The following RP1 variants were observed in gnomAD, a reference collection of about 807,000 sequenced individuals.
RP1 encodes the protein oxygen-regulated protein 1.
Under a neutral mutation model 14.8 loss-of-function variants are expected in RP1, and 16 were observed. That is an observed-to-expected ratio of 1.08 (90% confidence interval 0.73 to 1.65). The LOEUF is 1.65. Among genes scored for constraint, RP1 ranks in the 40% most tolerant of loss-of-function variants. The pLI, the probability that RP1 is intolerant of heterozygous loss-of-function variation, is 0.00. For synonymous variants in RP1, 876 were observed against 883.6 expected, an observed-to-expected ratio of 0.99 and a Z score of 0.15; for missense variants, 2,631 against 2,535.0, an observed-to-expected ratio of 1.04 and a Z score of -0.81.
chr8:54,725,187 T>C (rs944512076), intron 16 of RP1, among the ~76,000 whole-genome samples: 1 of 152,212 alleles, frequency 6.6e-6, no homozygotes, highest in African/African-American at 2.4e-5. Context: ...CTATATTACA[T>C]TGGTAAATGA....
intron 1 of RP1, among the ~76,000 whole-genome samples, chr8:54,581,200 C>T (rs1355986740): frequency 2.6e-5 from 4 of 151,800 alleles, no homozygotes; most frequent in Admixed American, 6.6e-5. Flanking sequence ...GTTCCCCTTC[C>T]TGTGTCCATG....
chr8:54,866,800 AG>A (rs1812468861), intron 28 of RP1, among the ~76,000 whole-genome samples: 1 of 152,194 alleles, frequency 6.6e-6, no homozygotes, highest in Admixed American at 6.5e-5. Flanking sequence ...GCAATGAGAG[AG>A]GCTTATATAT....
At chr8:54,788,998 T>A (rs1446879910) in intron 24 of RP1, among the ~76,000 whole-genome samples, 2 of 152,314 alleles carry the variant, frequency 1.3e-5, no homozygotes, top group South Asian at 2.1e-4. Context: ...CATACCCAGC[T>A]AGTCCTAGAT....
chr8:54,762,060 C>T (rs569263376), intron 22 of RP1, among the ~76,000 whole-genome samples: 12 of 152,262 alleles, frequency 7.9e-5, no homozygotes, highest in East Asian at 3.9e-4. Context: ...CATGGGTGCA[C>T]GCAGGAGCTG....
At chr8:54,749,885 G>C (rs980298870) in intron 19 of RP1, among the ~76,000 whole-genome samples, 4 of 151,540 alleles carry the variant, frequency 2.6e-5, no homozygotes, top group African/African-American at 9.7e-5. Context: ...TGAAGTTAGA[G>C]GTTTTGCCTT....
chr8:54,852,661 G>T (rs1178224322), exon 26 of RP1: 9 of 1,231,882 alleles, frequency 7.3e-6, no homozygotes, highest in Non-Finnish European at 9.1e-6. Flanking sequence ...ATCGGTACCA[G>T]AGGTGATTCA....
At chr8:54,677,179 G>C (rs1807311236) in intron 8 of RP1, among the ~76,000 whole-genome samples, 1 of 151,688 alleles carries the variant, frequency 6.6e-6, no homozygotes, top group Admixed American at 6.6e-5. Flanking sequence ...CCTGCATCCT[G>C]GGAAAACCCT....
In RP1 at chr8:54,626,815, T is replaced by A. The variant is rs759501646; in HGVS notation, c.2933T>A (p.Ile978Asn). Residue 978 changes from isoleucine (I) to asparagine (N), a missense_variant, in exon 4 of 4, where the codon ATT becomes AAT. Transcript: ENST00000220676. The stretch of plus-strand genomic sequence containing the variant: ...GAAAGTAATAAGCACATAACTAAAA[T>A]TGCCGGTTTGACAGGAGATAATCTA... ...VMESNKHITK[I>N]AGLTGDNLCK... 3.7e-6 allele frequency: 6 copies of A among 1,613,712 alleles called. No individual in the cohort carries two copies. In the East Asian group the frequency reaches 1.3e-4, roughly 36 times the overall value.
rs753228437 is a variant in RP1 at position 54,627,075 on chromosome 8, G to T, written c.3193G>T (p.Val1065Leu). 2.5e-6 allele frequency: 4 copies of T among 1,613,902 alleles called. No individual in the cohort carries two copies. The highest frequency in any genetic ancestry group is 3.4e-6 in the Non-Finnish European group (4 of 1,179,970). ...EINLARKRQSVEAAIQVDPIE... is the reference protein window; with the variant it reads ...EINLARKRQSLEAAIQVDPIE... ...AAACCTAGCTAGAAAAAGGCAAAGT[G>T]TAGAGGCTGCCATTCAAGTAGATCC... Residue 1065 changes from valine to leucine, a missense_variant, in exon 4 of 4, where the codon GTA becomes TTA. Coordinates refer to ENST00000220676, the MANE Select transcript of RP1 (RefSeq NM_006269.2).
intron 24 of RP1, among the ~76,000 whole-genome samples, chr8:54,833,309 T>A (rs1563390461): frequency 6.6e-6 from 1 of 151,934 alleles, no homozygotes; most frequent in African/African-American, 2.4e-5. Flanking sequence ...TATACAAATA[T>A]AGATATTGGC....
chr8:54,624,359 T>C (rs424499), intron 3 of RP1, among the ~76,000 whole-genome samples: 38,504 of 148,254 alleles, frequency 0.26, 5,276 homozygotes, highest in East Asian at 0.42. Flanking sequence ...GCAGGAGAAT[T>C]GCTTGAACCC....
At chr8:54,770,126 T>G (rs997782586), downstream of RP1, 2 of 403,210 alleles carry the variant, frequency 5.0e-6, no homozygotes, top group African/African-American at 4.1e-5. Flanking sequence ...TTTGCAGAAA[T>G]GCAAATAAAT....
intron 1 of RP1, among the ~76,000 whole-genome samples, chr8:54,582,418 G>C (rs1563317815): frequency 6.6e-6 from 1 of 151,692 alleles, no homozygotes; most frequent in African/African-American, 2.4e-5. Flanking sequence ...TTGTAGTATA[G>C]TTTGAAGTCA....
intron 12 of RP1, among the ~76,000 whole-genome samples, chr8:54,689,030 C>G (rs1807640039): frequency 2.0e-5 from 3 of 152,212 alleles, no homozygotes; most frequent in Admixed American, 2.0e-4. Flanking sequence ...TCCTTGACAT[C>G]CCTTGTAAGT....
chr8:54,842,273 C>A (rs1811805621), intron 25 of RP1, among the ~76,000 whole-genome samples: 1 of 152,158 alleles, frequency 6.6e-6, no homozygotes, highest in African/African-American at 2.4e-5. Context: ...TGAATCGGGG[C>A]AAGTGGCCAG....
chr8:54,584,492 A>T (rs1008359808), intron 1 of RP1, among the ~76,000 whole-genome samples: 1 of 152,168 alleles, frequency 6.6e-6, no homozygotes, highest in African/African-American at 2.4e-5. Context: ...TTTGGGGTGG[A>T]GAGTTCTGCA....
At chr8:54,645,217 A>G (rs1430482615) in intron 3 of RP1, among the ~76,000 whole-genome samples, 88 of 152,066 alleles carry the variant, frequency 5.8e-4, no homozygotes, top group Non-Finnish European at 2.9e-5. Context: ...AAGTTTTTGT[A>G]TGTTTTTATT....
At chr8:54,825,063 G>A (rs1275873709) in intron 24 of RP1, among the ~76,000 whole-genome samples, 3 of 151,922 alleles carry the variant, frequency 2.0e-5, no homozygotes, top group Non-Finnish European at 4.4e-5. Flanking sequence ...TCCGCCTCCC[G>A]GGTTCACGCC....
At chr8:54,638,805 C>T (rs114755626) in intron 3 of RP1, among the ~76,000 whole-genome samples, 4,453 of 151,740 alleles carry the variant, frequency 0.029, 127 homozygotes, top group African/African-American at 0.066. Flanking sequence ...TTTGTTCTTT[C>T]ATTTTAAAAT....
Sources: gnomAD v4.1 joint callset for allele counts (sites outside exome capture counted in the v4.1 genomes callset) on GRCh38, gnomAD v4.1.1 for gene constraint, MANE v1.5 for transcripts, NCBI Gene and HGNC (gene_info 2026-07-23, HGNC 2026-07-21) for gene names.